PLEKHH2: variants seen among roughly 807,000 people sequenced by gnomAD.
The protein encoded by PLEKHH2 is pleckstrin homology domain-containing family H member 2.
In PLEKHH2, 129 loss-of-function variants were observed where a neutral mutation model predicts 187.9. That is an observed-to-expected ratio of 0.69 (90% CI 0.59 to 0.79). The LOEUF is 0.79. Ranked by LOEUF, PLEKHH2 falls within the 30% of genes least tolerant of loss-of-function variation. The pLI is 0.00. For synonymous variants in PLEKHH2, 686 were observed against 605.6 expected, an observed-to-expected ratio of 1.13 and a Z score of -1.95; for missense variants, 2,076 against 1,751.2, an observed-to-expected ratio of 1.19 and a Z score of -3.31.
At chr2:43,637,743 A>T (rs1324964131) in intron 1 of PLEKHH2, among the ~76,000 whole-genome samples, 2 of 152,116 alleles carry the variant, frequency 1.3e-5, no homozygotes, top group Non-Finnish European at 2.9e-5. Flanking sequence ...AGGGTCCCCG[A>T]GCCGAGGGAC....
chr2:43,744,100 T>G (rs1671680863), intron 23 of PLEKHH2, 111 bp downstream of exon 23: 1 of 1,465,248 alleles, frequency 6.8e-7, no homozygotes, highest in Non-Finnish European at 9.0e-7. Context: ...TCCAAAACTT[T>G]AACCAATCTA....
At chr2:43,760,385 C>T (rs1322623060) in intron 27 of PLEKHH2, among the ~76,000 whole-genome samples, 7 of 110,462 alleles carry the variant, frequency 6.3e-5, no homozygotes, top group South Asian at 6.0e-4. Context: ...TTTTTTGAGA[C>T]GGAGTCTCAC....
chr2:43,694,575 A>T (rs1006614120), intron 5 of PLEKHH2, 61 bp downstream of exon 5: 55 of 1,458,556 alleles, frequency 3.8e-5, no homozygotes, highest in Non-Finnish European at 5.0e-5. Flanking sequence ...TTGATACATC[A>T]TCAGAATATG....
At chr2:43,726,140 AGG>A in intron 16 of PLEKHH2, 130 bp from the exon 17 acceptor site, 15 of 625,888 alleles carry the variant, frequency 2.4e-5, no homozygotes. Flanking sequence ...AAAAAAAAAA[AGG>A]AAAATAAAAA....
At chr2:43,648,307 G>A (rs918590466) in intron 2 of PLEKHH2, among the ~76,000 whole-genome samples, 2 of 151,930 alleles carry the variant, frequency 1.3e-5, no homozygotes, top group Admixed American at 6.6e-5. Flanking sequence ...TTCTGCCTCA[G>A]CCTAATGAGT....
intron 2 of PLEKHH2, among the ~76,000 whole-genome samples, chr2:43,655,081 C>A (rs1666684746): frequency 6.6e-6 from 1 of 152,036 alleles, no homozygotes; most frequent in East Asian, 1.9e-4. Context: ...GTGTGCACAC[C>A]TGTAGCCCCA....
At chr2:43,672,270 T>C (rs1310561175) in intron 2 of PLEKHH2, among the ~76,000 whole-genome samples, 2 of 152,222 alleles carry the variant, frequency 1.3e-5, no homozygotes, top group African/African-American at 4.8e-5. Flanking sequence ...TTTTCTTTTT[T>C]GCTTTATTGG....
At chr2:43,695,289 TG>T in intron 6 of PLEKHH2, 65 bp downstream of exon 6, 1 of 889,886 alleles carries the variant, frequency 1.1e-6, no homozygotes. Flanking sequence ...TTACTTTTTT[TG>T]ATGTTTTAAA....
chr2:43,695,712 C>T (rs1669052508), intron 6 of PLEKHH2, among the ~76,000 whole-genome samples: 1 of 152,110 alleles, frequency 6.6e-6, no homozygotes, highest in South Asian at 2.1e-4. Context: ...GGGACTTTAC[C>T]ACACAAGATA....
chr2:43,747,092 G>GTCTCTCTCTCTCTCTTTCCCTCTC (rs1671812197), intron 24 of PLEKHH2, among the ~76,000 whole-genome samples: 4 of 130,662 alleles, frequency 3.1e-5, no homozygotes, highest in Admixed American at 7.9e-5. Flanking sequence ...CTTTCTTTCT[G>GTCTCTCTCTCTCTCTTTCCCTCTC]TCTCTCTCTC....
At chr2:43,764,633 GT>G (rs1237783660) in intron 29 of PLEKHH2, among the ~76,000 whole-genome samples, 1 of 152,158 alleles carries the variant, frequency 6.6e-6, no homozygotes, top group African/African-American at 2.4e-5. Context: ...AAGGAAGTTT[GT>G]AGGGTACTTA....
intron 15 of PLEKHH2, among the ~76,000 whole-genome samples, chr2:43,712,820 T>C (rs752816457): frequency 3.9e-5 from 6 of 152,254 alleles, no homozygotes; most frequent in Admixed American, 6.5e-5. Context: ...AATAAGCATA[T>C]GGAAAAACAT....
intron 6 of PLEKHH2, among the ~76,000 whole-genome samples, chr2:43,696,304 C>T (rs188073502): frequency 2.0e-5 from 3 of 152,014 alleles, no homozygotes; most frequent in Non-Finnish European, 2.9e-5. Context: ...GAGACCCCAT[C>T]GCTACAAAAA....
intron 7 of PLEKHH2, among the ~76,000 whole-genome samples, chr2:43,699,059 C>A (rs7591961): frequency 3.9e-5 from 6 of 151,902 alleles, no homozygotes; most frequent in Non-Finnish European, 8.8e-5. Context: ...TCATTATAAT[C>A]TAAATATTTA....
At chr2:43,645,537 AAGGCT>A (rs1438899831) in intron 2 of PLEKHH2, among the ~76,000 whole-genome samples, 1 of 152,158 alleles carries the variant, frequency 6.6e-6, no homozygotes, top group African/African-American at 2.4e-5. Context: ...CACTTCAGAT[AAGGCT>A]AGTTCAAATT....
intron 20 of PLEKHH2, 95 bp from the exon 21 acceptor site, chr2:43,740,851 G>A: frequency 6.6e-7 from 1 of 1,511,086 alleles, no homozygotes; most frequent in East Asian, 2.3e-5. Context: ...ACGTTTTTGG[G>A]TTAAGAGAGA....
At chr2:43,743,145 A>G (rs572654377) in intron 22 of PLEKHH2, among the ~76,000 whole-genome samples, 8 of 152,374 alleles carry the variant, frequency 5.3e-5, no homozygotes, top group Admixed American at 3.3e-4. Context: ...CTTCACTGCC[A>G]TTATGATTCT....
intron 4 of PLEKHH2, 25 bp from the exon 5 acceptor site, chr2:43,694,406 A>G: frequency 6.5e-7 from 1 of 1,542,974 alleles, no homozygotes; most frequent in Non-Finnish European, 8.8e-7. Flanking sequence ...TGTTTGAACT[A>G]AACAAATTGC....
intron 27 of PLEKHH2, 24 bp from the exon 28 acceptor site, chr2:43,762,280 T>C (rs1476974607): frequency 9.9e-6 from 15 of 1,520,490 alleles, no homozygotes; most frequent in South Asian, 3.4e-5. Context: ...ATTTATAATA[T>C]AGTGTATTTT....
Sources: gnomAD v4.1 joint callset for allele counts (sites outside exome capture counted in the v4.1 genomes callset) on GRCh38, gnomAD v4.1.1 for gene constraint, MANE v1.5 for transcripts, NCBI Gene and HGNC (gene_info 2026-07-23, HGNC 2026-07-21) for gene names.